Variants in PIGN observed in about 807,000 individuals in gnomAD.
The protein encoded by PIGN is phosphatidylinositol glycan anchor biosynthesis class N.
Under a neutral mutation model 125.4 loss-of-function variants are expected in PIGN, and 117 were observed. That is an observed-to-expected ratio of 0.93 (90% CI 0.80 to 1.09). PIGN has a LOEUF of 1.09. Ranked by LOEUF, PIGN falls within the 50% of genes least tolerant of loss-of-function variation. The probability of loss-of-function intolerance (pLI) is 0.00; values close to 1 mark genes in which losing one functional copy is unlikely to be tolerated. For missense variants in PIGN, 1,075 were observed against 1,094.9 expected (o/e 0.98, Z 0.26); for synonymous variants, 392 against 377.8 (o/e 1.04, Z -0.44).
intron 25 of PIGN, among the ~76,000 whole-genome samples, chr18:62,085,895 G>A (rs1443317654): frequency 1.3e-5 from 2 of 152,204 alleles, no homozygotes; most frequent in African/African-American, 4.8e-5. Context: ...GAAAGGGCTT[G>A]ATAAGCATTA....
intron 13 of PIGN, 125 bp downstream of exon 13, chr18:62,138,858 A>C (rs1363302175): frequency 1.7e-6 from 1 of 580,802 alleles, no homozygotes; most frequent in African/African-American, 1.9e-5. Context: ...CAAATACATA[A>C]AATTTAAAGG....
intron 30 of PIGN, among the ~76,000 whole-genome samples, chr18:62,071,303 C>A (rs1049963952): frequency 6.6e-6 from 1 of 152,026 alleles, no homozygotes; most frequent in African/African-American, 2.4e-5. Flanking sequence ...ACTTTGAAAC[C>A]GCGGATTCAA....
intron 1 of PIGN, among the ~76,000 whole-genome samples, chr18:62,186,477 T>G (rs1217893265): frequency 6.6e-6 from 1 of 152,192 alleles, no homozygotes; most frequent in Non-Finnish European, 1.5e-5. Flanking sequence ...GTTTATTGAG[T>G]ACCTAACAAT....
chr18:62,158,989 C>T (rs940127456), intron 4 of PIGN, among the ~76,000 whole-genome samples: 1 of 152,212 alleles, frequency 6.6e-6, no homozygotes, highest in Non-Finnish European at 1.5e-5. Flanking sequence ...CGGTGGCTCA[C>T]GCCTGTAATC....
chr18:62,143,387 T>G (rs1392782354), intron 10 of PIGN, 41 bp from the exon 11 acceptor site: 3 of 1,212,582 alleles, frequency 2.5e-6, no homozygotes, highest in Non-Finnish European at 3.6e-6. Context: ...TGTTAAGATT[T>G]AAAAAAGAAT....
intron 30 of PIGN, among the ~76,000 whole-genome samples, chr18:62,057,676 G>A (rs1328161747): frequency 6.6e-6 from 1 of 152,082 alleles, no homozygotes; most frequent in Admixed American, 6.5e-5. Context: ...CTTACACTTG[G>A]AATAAACTCC....
Position 62,046,762 on chromosome 18 carries a change from C to T in PIGN, c.2673-783G>A, listed in dbSNP as rs75464069. Among the ~76,000 whole-genome samples the T allele has an allele frequency of 9.7e-3, 1,483 of 152,166 alleles. 47 individuals are homozygous for T. The highest frequency in any genetic ancestry group is 0.069 in the East Asian group (354 of 5,152). ...AAAGAATAGAAAGTCTGTACATGTT[C>T]AGTACAGATGCAATTAAAAAAATAT... On this transcript the variant is annotated intron_variant, in intron 30 of 30. Transcript: ENST00000640252.
intron 1 of PIGN, among the ~76,000 whole-genome samples, chr18:62,174,706 A>G (rs535992974): frequency 1.3e-5 from 2 of 152,060 alleles, no homozygotes; most frequent in East Asian, 3.9e-4. Flanking sequence ...TCCCAATATT[A>G]TTAATTAATT....
At chr18:62,138,402 T>C in intron 13 of PIGN, 104 bp from the exon 14 acceptor site, 2 of 1,380,060 alleles carry the variant, frequency 1.4e-6, no homozygotes, top group Non-Finnish European at 9.6e-7. Flanking sequence ...TTAACCACTT[T>C]GAAAATAAAT....
intron 20 of PIGN, among the ~76,000 whole-genome samples, chr18:62,104,232 T>A (rs2034553445): frequency 6.6e-6 from 1 of 152,240 alleles, no homozygotes; most frequent in South Asian, 2.1e-4. Context: ...TTTCTCATAT[T>A]TTAACAAGTT....
chr18:62,109,029 T>C (rs17641789), intron 17 of PIGN, among the ~76,000 whole-genome samples: 28,645 of 152,222 alleles, frequency 0.19, 3,269 homozygotes, highest in Middle Eastern at 0.32. Context: ...CTTATTATAA[T>C]AGGCTCTCAT....
In PIGN at chr18:62,115,269, T is replaced by C. The variant is rs1382327484; in HGVS notation, c.1173-630A>G. Among the ~76,000 whole-genome samples the C allele has an allele frequency of 3.3e-5, 5 of 152,280 alleles. No homozygotes were observed. The East Asian group carries it at 9.6e-4, about 29-fold the overall frequency. ...ACACAAGAGAAATACTCCCAAAAAA[T>C]ACTGCATAACCCGAAACTACATAAA... On this transcript the variant is annotated intron_variant, in intron 14 of 30. Transcript: ENST00000640252.
intron 21 of PIGN, among the ~76,000 whole-genome samples, chr18:62,102,043 C>T (rs937791767): frequency 1.3e-5 from 2 of 151,650 alleles, no homozygotes; most frequent in Non-Finnish European, 2.9e-5. Flanking sequence ...GCCTGGCCAA[C>T]GTGGTGAAAC....
At chr18:62,114,920 A>G (rs1448807031) in intron 14 of PIGN, among the ~76,000 whole-genome samples, 1 of 152,216 alleles carries the variant, frequency 6.6e-6, no homozygotes, top group Non-Finnish European at 1.5e-5. Flanking sequence ...TCTGGCTAAC[A>G]AAGAAATTCT....
chr18:62,035,663 C>G (rs1321969831), intron 23 of PIGN, among the ~76,000 whole-genome samples: 1 of 152,098 alleles, frequency 6.6e-6, no homozygotes, highest in African/African-American at 2.4e-5. Flanking sequence ...TCTCCTAATG[C>G]TATCCCTCCC....
intron 20 of PIGN, among the ~76,000 whole-genome samples, chr18:62,104,225 C>T (rs967264188): frequency 6.6e-6 from 1 of 152,128 alleles, no homozygotes; most frequent in East Asian, 1.9e-4. Context: ...AATTAGATTT[C>T]TCATATTTTA....
intron 24 of PIGN, among the ~76,000 whole-genome samples, chr18:62,089,187 T>C (rs2033848907): frequency 6.6e-6 from 1 of 152,154 alleles, no homozygotes; most frequent in Admixed American, 6.5e-5. Context: ...TTTCTCAGAG[T>C]GTCCTGATCA....
In PIGN at chr18:62,072,742, AG is replaced by A; in HGVS notation, c.2620-18del. Reference sequence around the variant, plus strand: ...GAAAAAATGCTGTAAAAAAAAAAAAAGGCTTAATGAAAAACAAAGCTATTTA... The same window carrying A: ...GAAAAAATGCTGTAAAAAAAAAAAAAGCTTAATGAAAAACAAAGCTATTTA... On this transcript the variant is annotated intron_variant, in intron 29 of 30. Transcript: ENST00000640252. 1 of 1,536,020 alleles carries A rather than the reference AG, an allele frequency of 6.5e-7. No homozygotes were observed.
At chr18:62,179,822 A>C (rs1475949620) in intron 1 of PIGN, among the ~76,000 whole-genome samples, 1 of 152,042 alleles carries the variant, frequency 6.6e-6, no homozygotes, top group African/African-American at 2.4e-5. Flanking sequence ...AATCATCATC[A>C]TTTCCACTCC....
Sources: allele counts gnomAD v4.1 joint callset (sites outside exome capture counted in the v4.1 genomes callset), GRCh38; gene constraint gnomAD v4.1.1; transcripts MANE v1.5; gene names NCBI Gene and HGNC (gene_info 2026-07-23, HGNC 2026-07-21).